Variants in MTUS1 observed in about 807,000 individuals in gnomAD.
MTUS1 encodes the protein microtubule-associated tumor suppressor 1.
Under a neutral mutation model 120.8 loss-of-function variants are expected in MTUS1, and 109 were observed. That is an observed-to-expected ratio of 0.90 (90% CI 0.77 to 1.06). The LOEUF (loss-of-function observed/expected upper bound fraction) is 1.06. MTUS1 is among the 50% of genes least tolerant of loss of function. The pLI is 0.00. For missense variants in MTUS1, 2,210 were observed against 1,486.3 expected (o/e 1.49, Z -8.01); for synonymous variants, 737 against 550.5 (o/e 1.34, Z -4.74).
intron 1 of MTUS1, among the ~76,000 whole-genome samples, chr8:17,782,549 A>G (rs1044278428): frequency 6.6e-6 from 1 of 152,234 alleles, no homozygotes; most frequent in Non-Finnish European, 1.5e-5. Context: ...TTAGGTTTAA[A>G]TGTTTTAACA....
At chr8:17,768,141 G>A (rs746831659) in intron 1 of MTUS1, among the ~76,000 whole-genome samples, 2 of 152,200 alleles carry the variant, frequency 1.3e-5, no homozygotes, top group African/African-American at 4.8e-5. Context: ...AGCCACAGCA[G>A]ATAGTATCAG....
Position 17,754,001 on chromosome 8 carries a change from T to C in MTUS1, c.1807A>G (p.Arg603Gly). The C allele has an allele frequency of 6.2e-7, 1 of 1,614,244 alleles. No homozygotes were observed. The highest frequency in any genetic ancestry group is 8.5e-7 in the Non-Finnish European group (1 of 1,180,042). ...TTCGATTTCACGGCAGATGTTGTTC[T>C]TGGAACCCTGTGTGAAGCATTTTTA... ...HSKNASHRVP[R>G]TTSAVKSNQE... The change falls in exon 2 of 15, where the codon AGA (arginine) becomes GGA (glycine). Residue 603 changes from arginine to glycine, a missense_variant. Coordinates refer to ENST00000693296, the MANE Select transcript of MTUS1 (RefSeq NM_001363059.2).
intron 8 of MTUS1, among the ~76,000 whole-genome samples, chr8:17,661,200 G>C (rs1809617697): frequency 6.6e-6 from 1 of 152,174 alleles, no homozygotes; most frequent in Non-Finnish European, 1.5e-5. Flanking sequence ...TCTCGTATTA[G>C]AACTTTCTAT....
At chr8:17,685,454 C>T (rs1272845914) in intron 6 of MTUS1, among the ~76,000 whole-genome samples, 2 of 150,908 alleles carry the variant, frequency 1.3e-5, no homozygotes. Flanking sequence ...AAATGTAAAT[C>T]TGGAAAAAAG....
At chr8:17,650,174 A>T (rs962461752) in intron 12 of MTUS1, among the ~76,000 whole-genome samples, 1 of 152,214 alleles carries the variant, frequency 6.6e-6, no homozygotes, top group Non-Finnish European at 1.5e-5. Context: ...CTTATTTATC[A>T]GTAACTTAAT....
Position 17,767,707 on chromosome 8 carries a change from A to AAAAAAAAAACAAACAAACAAAC in MTUS1, c.-154-11747_-154-11746insGTTTGTTTGTTTGTTTTTTTTT, listed in dbSNP as rs57053978. On this transcript the variant is annotated intron_variant, in intron 1 of 14. Transcript: ENST00000693296. The stretch of plus-strand genomic sequence containing the variant: ...GAGCAAGACCCTGTCTCTTAAAAAA[A>AAAAAAAAAACAAACAAACAAAC]AAAAAAAAAAACGGTGTGAAAGAGA... Among the ~76,000 whole-genome samples, 92 of 144,524 alleles carry AAAAAAAAAACAAACAAACAAAC rather than the reference A, an allele frequency of 6.4e-4. 1 individual carries two copies. The highest frequency in any genetic ancestry group is 1.1e-3 in the Admixed American group (16 of 14,256). 94.8% of individuals were successfully genotyped at this position (144,524 alleles called of 152,430 possible). A position where few individuals can be genotyped will look rare whatever the true frequency, so the allele number is the denominator to read the frequency against.
At position 17,723,629 on chromosome 8, in the gene MTUS1, A is replaced by G. The variant is rs775633230; in HGVS notation, c.2449+43T>C. Reference sequence around the variant, plus strand: ...CAGAGCATTAGTTTTTCTTGTAATGACTGTTTCCACAACCCCCGAAGTGTG... The same window carrying G: ...CAGAGCATTAGTTTTTCTTGTAATGGCTGTTTCCACAACCCCCGAAGTGTG... On this transcript the variant is annotated intron_variant, in intron 4 of 14. Coordinates refer to ENST00000693296, the MANE Select transcript of MTUS1 (RefSeq NM_001363059.2). The G allele has an allele frequency of 8.9e-6, 14 of 1,578,142 alleles. No individual in the cohort carries two copies. In the East Asian group the frequency reaches 2.0e-4, roughly 23 times the overall value.
chr8:17,688,382 A>G (rs1227634376), intron 6 of MTUS1, among the ~76,000 whole-genome samples: 1 of 152,226 alleles, frequency 6.6e-6, no homozygotes, highest in African/African-American at 2.4e-5. Flanking sequence ...CCTAGTGCTC[A>G]GCTCTTCAAC....
chr8:17,786,302 G>A (rs933823421), intron 1 of MTUS1, among the ~76,000 whole-genome samples: 1 of 152,106 alleles, frequency 6.6e-6, no homozygotes, highest in African/African-American at 2.4e-5. Context: ...AGACCAGAGA[G>A]GTCTGGAAGG....
intron 6 of MTUS1, among the ~76,000 whole-genome samples, chr8:17,689,620 T>G (rs1816554646): frequency 6.6e-6 from 1 of 152,160 alleles, no homozygotes; most frequent in Non-Finnish European, 1.5e-5. Context: ...CATTCAGAAG[T>G]ACTTTTAAGA....
chr8:17,676,058 A>C (rs1052903101), intron 7 of MTUS1: 13 of 576,290 alleles, frequency 2.3e-5, no homozygotes, highest in Middle Eastern at 3.5e-4. Context: ...CTAAAAAAAA[A>C]ATGAAGAATT....
chr8:17,767,319 G>C (rs1268164258), intron 1 of MTUS1, among the ~76,000 whole-genome samples: 1 of 151,780 alleles, frequency 6.6e-6, no homozygotes, highest in Non-Finnish European at 1.5e-5. Context: ...TAAGGAATTT[G>C]GGGCCAATTT....
intron 1 of MTUS1, among the ~76,000 whole-genome samples, chr8:17,785,402 C>G (rs542866335): frequency 6.6e-6 from 1 of 152,282 alleles, no homozygotes; most frequent in Non-Finnish European, 1.5e-5. Flanking sequence ...CAGGTGAGTG[C>G]TTCTCAGCCT....
intron 8 of MTUS1, among the ~76,000 whole-genome samples, chr8:17,664,839 A>G (rs1377047701): frequency 6.6e-6 from 1 of 152,156 alleles, no homozygotes; most frequent in Non-Finnish European, 1.5e-5. Flanking sequence ...TGGAGGTAGT[A>G]ACATCACTGA....
chr8:17,679,693 G>A (rs1016063146), intron 7 of MTUS1, among the ~76,000 whole-genome samples: 1 of 151,968 alleles, frequency 6.6e-6, no homozygotes, highest in South Asian at 2.1e-4. Flanking sequence ...GGTAGAGACA[G>A]GGTTTCGCCA....
intron 7 of MTUS1, among the ~76,000 whole-genome samples, chr8:17,680,477 A>C (rs1427465821): frequency 6.7e-5 from 10 of 148,160 alleles, no homozygotes; most frequent in African/African-American, 1.5e-4. Flanking sequence ...AAAAAAAAAA[A>C]AAAAAAAAAA....
intron 4 of MTUS1, among the ~76,000 whole-genome samples, chr8:17,719,094 CAG>C (rs1437332598): frequency 2.0e-5 from 3 of 151,964 alleles, no homozygotes; most frequent in Non-Finnish European, 4.4e-5. Flanking sequence ...TGCTTGAACC[CAG>C]GAGGCGGAGG....
At chr8:17,746,973 A>G (rs1394475360) in intron 2 of MTUS1, among the ~76,000 whole-genome samples, 1 of 152,190 alleles carries the variant, frequency 6.6e-6, no homozygotes, top group Non-Finnish European at 1.5e-5. Context: ...TCTCTTTTCC[A>G]TCTGCTGTCA....
rs113413926 is a variant in MTUS1 at position 17,660,354 on chromosome 8, C to T, written c.2906-4289G>A. Among the ~76,000 whole-genome samples, 696 of 152,274 alleles carry T rather than the reference C, an allele frequency of 4.6e-3. 9 individuals carry two copies. Among genetic ancestry groups the T allele is most frequent in the African/African-American group, 0.016 (682 of 41,554 alleles). ...CGCCACTGCACTCCAGCCTGGGTGA[C>T]AGAGCAAGACTCCGTGTCAAATAAT... is the stretch of plus-strand genomic sequence containing the variant. On this transcript the variant is annotated intron_variant, in intron 8 of 14. Transcript: ENST00000693296.
Sources: gnomAD v4.1 joint callset for allele counts (sites outside exome capture counted in the v4.1 genomes callset) on GRCh38, gnomAD v4.1.1 for gene constraint, MANE v1.5 for transcripts, NCBI Gene and HGNC (gene_info 2026-07-23, HGNC 2026-07-21) for gene names.